Variants in IPPK observed in about 807,000 individuals in gnomAD.
The protein encoded by IPPK is inositol-pentakisphosphate 2-kinase, also known as IPK1 homolog.
A neutral mutation model predicts 64.6 loss-of-function variants in IPPK; 22 were observed. The observed-to-expected ratio is 0.34, with a 90% CI of 0.24 to 0.49. The LOEUF is 0.49. IPPK is among the 20% of genes least tolerant of loss of function. IPPK has a pLI of 0.99. For missense variants in IPPK, 532 were observed against 630.7 expected (o/e 0.84, Z 1.68); for synonymous variants, 262 against 247.2 (o/e 1.06, Z -0.56).
At chr9:92,656,338 T>C in intron 3 of IPPK, 118 bp downstream of exon 3, 1 of 698,394 alleles carries the variant, frequency 1.4e-6, no homozygotes, top group Non-Finnish European at 2.6e-6. Context: ...TGAGAAACAC[T>C]TGGAGACTAG....
chr9:92,639,360 C>T (rs1852004202), intron 8 of IPPK, among the ~76,000 whole-genome samples: 1 of 152,198 alleles, frequency 6.6e-6, no homozygotes, highest in Non-Finnish European at 1.5e-5. Context: ...ACACCTGGAA[C>T]TTCAGAGCTT....
intron 1 of IPPK, among the ~76,000 whole-genome samples, chr9:92,668,917 C>T (rs1325111686): frequency 1.3e-5 from 2 of 152,250 alleles, no homozygotes; most frequent in South Asian, 2.1e-4. Context: ...CCTACATCAT[C>T]CCTGACAAGC....
intron 6 of IPPK, among the ~76,000 whole-genome samples, chr9:92,647,709 C>T (rs1852175368): frequency 6.6e-6 from 1 of 151,060 alleles, no homozygotes. Context: ...TGTGAAGAGA[C>T]TAAAACTGAA....
At chr9:92,641,265 G>A (rs150326966) in intron 7 of IPPK, among the ~76,000 whole-genome samples, 7 of 152,290 alleles carry the variant, frequency 4.6e-5, no homozygotes, top group African/African-American at 9.6e-5. Context: ...TCCTCCAAGC[G>A]ACGAGCTGCA....
intron 11 of IPPK, among the ~76,000 whole-genome samples, chr9:92,626,485 A>G (rs1261193783): frequency 6.6e-6 from 1 of 152,232 alleles, no homozygotes; most frequent in African/African-American, 2.4e-5. Flanking sequence ...AATGAACTGG[A>G]AGATAGAGCT....
chr9:92,644,545 C>A (rs1215258477), intron 6 of IPPK, among the ~76,000 whole-genome samples: 1 of 152,198 alleles, frequency 6.6e-6, no homozygotes, highest in Non-Finnish European at 1.5e-5. Flanking sequence ...GCTGTCTTCA[C>A]TGACCTGGCT....
intron 11 of IPPK, among the ~76,000 whole-genome samples, chr9:92,625,287 T>C (rs1308512473): frequency 6.6e-6 from 1 of 152,226 alleles, no homozygotes; most frequent in African/African-American, 2.4e-5. Context: ...TCTTCAACTG[T>C]TGCAAGAAGA....
intron 8 of IPPK, 37 bp from the exon 9 acceptor site, chr9:92,638,317 C>T (rs1851983897): frequency 1.3e-6 from 2 of 1,591,514 alleles, no homozygotes; most frequent in Middle Eastern, 3.4e-4. Flanking sequence ...AACGTCAAAC[C>T]ACCAAGCTTG....
intron 11 of IPPK, among the ~76,000 whole-genome samples, chr9:92,629,164 CTAACTA>C (rs140352708): frequency 0.04 from 6,012 of 152,162 alleles, 180 homozygotes; most frequent in South Asian, 0.11. Flanking sequence ...GATCAAACAC[CTAACTA>C]TAAGAGCTAA....
At chr9:92,655,782 C>A (rs1852360775) in intron 3 of IPPK, among the ~76,000 whole-genome samples, 1 of 152,166 alleles carries the variant, frequency 6.6e-6, no homozygotes, top group Non-Finnish European at 1.5e-5. Flanking sequence ...GGAACTGTGA[C>A]CCCCAAACAC....
chr9:92,644,360 G>T (rs1400897178), intron 6 of IPPK, among the ~76,000 whole-genome samples: 1 of 152,142 alleles, frequency 6.6e-6, no homozygotes, highest in Non-Finnish European at 1.5e-5. Flanking sequence ...TCAGAACCTT[G>T]AAAATGAACA....
intron 11 of IPPK, among the ~76,000 whole-genome samples, chr9:92,626,688 A>T (rs1320765491): frequency 6.6e-6 from 1 of 152,210 alleles, no homozygotes; most frequent in Non-Finnish European, 1.5e-5. Flanking sequence ...AATAAAAGAC[A>T]TAAATCCACA....
chr9:92,668,448 G>A (rs1042040822), intron 1 of IPPK, among the ~76,000 whole-genome samples: 1 of 152,086 alleles, frequency 6.6e-6, no homozygotes, highest in Non-Finnish European at 1.5e-5. Flanking sequence ...TTTCAACATG[G>A]GTGTCCTTTT....
Position 92,650,612 on chromosome 9 carries a change from C to T in IPPK, c.293-1038G>A, listed in dbSNP as rs371855644. Among the ~76,000 whole-genome samples the T allele has an allele frequency of 6.6e-5, 10 of 152,310 alleles. No homozygotes were observed. The East Asian group carries it at 1.7e-3, about 26-fold the overall frequency. On this transcript the variant is annotated intron_variant, in intron 4 of 12. Coordinates refer to ENST00000287996, the MANE Select transcript of IPPK (RefSeq NM_022755.6). Reference sequence around the variant, plus strand: ...AGGTCTCTCCTGGACCCCACCCCTGCACCTCTCCCCTTGGCTGGTCCCATC... The same window carrying T: ...AGGTCTCTCCTGGACCCCACCCCTGTACCTCTCCCCTTGGCTGGTCCCATC...
chr9:92,617,408 C>G (rs544984962), intron 12 of IPPK: 1 of 152,448 alleles, frequency 6.6e-6, no homozygotes, highest in African/African-American at 2.4e-5. Flanking sequence ...CGGGGAGGGT[C>G]TGACTACCTG....
At chr9:92,662,898 C>T (rs1404253208) in intron 1 of IPPK, among the ~76,000 whole-genome samples, 3 of 152,176 alleles carry the variant, frequency 2.0e-5, no homozygotes, top group Non-Finnish European at 2.9e-5. Context: ...ATGTGGAAAG[C>T]GATCTGCAAC....
In IPPK at chr9:92,635,259, G is replaced by A; in HGVS notation, c.966C>T (p.Tyr322=). The A allele has an allele frequency of 6.2e-7, 1 of 1,614,196 alleles. No homozygotes were observed. The highest frequency in any genetic ancestry group is 1.3e-5 in the African/African-American group (1 of 75,056). Residue 322 remains tyrosine, a synonymous_variant, in exon 10 of 13, where the codon TAC becomes TAT. Transcript: ENST00000287996. The surrounding 1 kb of genome is among the most constrained non-coding windows in gnomAD (Gnocchi z 4.4). ...RSGLPKGCLL[Y]KTLQVQMLDL... ...CCAACATCTGCACCTGGAGGGTTTT[G>A]TACAGAAGACAGCCCTTCGGTAACC...
chr9:92,623,694 G>A (rs1851684671), intron 11 of IPPK, among the ~76,000 whole-genome samples: 1 of 152,150 alleles, frequency 6.6e-6, no homozygotes, highest in African/African-American at 2.4e-5. Context: ...ACACACACCA[G>A]AATGGGTGAA....
intron 6 of IPPK, among the ~76,000 whole-genome samples, chr9:92,646,410 T>G (rs1327263951): frequency 2.0e-5 from 3 of 152,204 alleles, no homozygotes; most frequent in Admixed American, 2.0e-4. Flanking sequence ...AGTGAAATCA[T>G]GCAAACAATG....
Sources: allele counts gnomAD v4.1 joint callset (sites outside exome capture counted in the v4.1 genomes callset), GRCh38; gene constraint gnomAD v4.1.1; non-coding constraint Gnocchi (gnomAD v3.1); transcripts MANE v1.5; gene names NCBI Gene and HGNC (gene_info 2026-07-23, HGNC 2026-07-21).